Variants in EPS15 observed in about 807,000 individuals in gnomAD.
The protein encoded by EPS15 is epidermal growth factor receptor substrate 15.
Under a neutral mutation model 113.8 loss-of-function variants are expected in EPS15, and 72 were observed. The ratio of observed to expected loss-of-function variants is 0.63; its 90% CI spans 0.52 to 0.77. The LOEUF (loss-of-function observed/expected upper bound fraction) is 0.77. EPS15 is among the 30% of genes least tolerant of loss of function. The pLI is 0.00. For synonymous variants in EPS15, 344 were observed against 363.4 expected (o/e 0.95, Z 0.61); for missense variants, 1,048 against 1,045.8 (o/e 1.00, Z -0.03).
At chr1:51,427,775 A>G (rs1444901491) in intron 12 of EPS15, among the ~76,000 whole-genome samples, 3 of 152,220 alleles carry the variant, frequency 2.0e-5, no homozygotes, top group African/African-American at 7.2e-5. Flanking sequence ...TATTTCTACT[A>G]GAGAGAGCTT....
intron 1 of EPS15, among the ~76,000 whole-genome samples, chr1:51,506,176 C>T (rs1254551097): frequency 1.3e-5 from 2 of 152,154 alleles, no homozygotes; most frequent in African/African-American, 4.8e-5. Flanking sequence ...CGTCAGCCAC[C>T]GTGCCCAGCC....
chr1:51,448,479 A>AG (rs1653255261), intron 8 of EPS15, among the ~76,000 whole-genome samples: 1 of 152,180 alleles, frequency 6.6e-6, no homozygotes, highest in African/African-American at 2.4e-5. Flanking sequence ...AAAAATTAAC[A>AG]GAAAAAAAAG....
intron 7 of EPS15, 69 bp downstream of exon 7, chr1:51,463,604 T>C (rs1654631732): frequency 6.0e-6 from 5 of 829,594 alleles, no homozygotes; most frequent in African/African-American, 5.2e-5. Flanking sequence ...GAGTTATACA[T>C]GCTCCTGGCA....
intron 18 of EPS15, among the ~76,000 whole-genome samples, chr1:51,402,193 T>C (rs970247720): frequency 2.3e-4 from 34 of 149,422 alleles, no homozygotes; most frequent in Non-Finnish European, 4.0e-4. Flanking sequence ...CATACATACA[T>C]AAAATTAGCT....
chr1:51,372,388 C>T (rs1646679063), intron 21 of EPS15: 1 of 536,288 alleles, frequency 1.9e-6, no homozygotes, highest in Admixed American at 1.9e-5. Context: ...CTTTTGGGGT[C>T]ATGGCAGACA....
intron 1 of EPS15, among the ~76,000 whole-genome samples, chr1:51,511,265 A>T (rs1452138553): frequency 1.3e-5 from 2 of 151,980 alleles, no homozygotes; most frequent in African/African-American, 4.8e-5. Context: ...AGGCCAAGGC[A>T]GGAGGATCAC....
intron 21 of EPS15, among the ~76,000 whole-genome samples, chr1:51,389,866 A>G (rs1647210590): frequency 6.6e-6 from 1 of 152,258 alleles, no homozygotes; most frequent in Admixed American, 6.5e-5. Flanking sequence ...GGAAGAATCA[A>G]TATCGTGAAA....
At chr1:51,489,779 A>G (rs1260926195) in intron 1 of EPS15, among the ~76,000 whole-genome samples, 1 of 152,110 alleles carries the variant, frequency 6.6e-6, no homozygotes, top group Non-Finnish European at 1.5e-5. Flanking sequence ...TCCAGTTCCA[A>G]GTAGAAGCTT....
At chr1:51,472,424 C>A (rs184927725) in intron 3 of EPS15, among the ~76,000 whole-genome samples, 14 of 152,170 alleles carry the variant, frequency 9.2e-5, no homozygotes, top group Admixed American at 9.2e-4. Flanking sequence ...ATATCAATAT[C>A]ACATATAAGG....
rs55806131 is a variant in EPS15 at position 51,415,796 on chromosome 1, C to CAAAA, written c.1113+5986_1113+5989dup. Among the ~76,000 whole-genome samples, 59 of 21,974 alleles carry CAAAA rather than the reference C, an allele frequency of 2.7e-3. 4 individuals carry two copies. Among genetic ancestry groups the CAAAA allele is most frequent in the Non-Finnish European group, 3.0e-3 (38 of 12,584 alleles). 14.4% of individuals were successfully genotyped at this position (21,974 alleles called of 152,430 possible). A position where few individuals can be genotyped will look rare whatever the true frequency, so the allele number is the denominator to read the frequency against. On this transcript the variant is annotated intron_variant, in intron 13 of 24. Coordinates refer to ENST00000371733, the MANE Select transcript of EPS15 (RefSeq NM_001981.3). ...GGGCAACAAGAGCAAAACTCCGTCT[C>CAAAA]AAAAAAAAAAAAAAAAAAAAAAAAA...
chr1:51,488,815 C>T (rs1302049345), intron 1 of EPS15, among the ~76,000 whole-genome samples: 1 of 152,198 alleles, frequency 6.6e-6, no homozygotes, highest in Non-Finnish European at 1.5e-5. Context: ...CCCAACCTCT[C>T]TTGCAATTTC....
At chr1:51,444,212 T>C (rs1464778353) in intron 11 of EPS15, among the ~76,000 whole-genome samples, 1 of 152,190 alleles carries the variant, frequency 6.6e-6, no homozygotes, top group African/African-American at 2.4e-5. Flanking sequence ...CAAAGGTCTA[T>C]TAAAGGCCAA....
intron 21 of EPS15, among the ~76,000 whole-genome samples, chr1:51,366,405 A>G (rs1000092260): frequency 1.3e-5 from 2 of 152,228 alleles, no homozygotes; most frequent in Non-Finnish European, 2.9e-5. Context: ...GGTTAATCAC[A>G]TTCAGACAGT....
chr1:51,508,268 G>GAA (rs1553139490), intron 1 of EPS15, among the ~76,000 whole-genome samples: 1 of 114,702 alleles, frequency 8.7e-6, no homozygotes, highest in African/African-American at 4.6e-5. Flanking sequence ...GAGAGAGAGA[G>GAA]AGAGAAAGAG....
In EPS15 at chr1:51,408,159, T is replaced by C; in HGVS notation, c.1449A>G (p.Gln483=). 1 of 1,614,158 alleles carries C rather than the reference T, an allele frequency of 6.2e-7. No individual in the cohort carries two copies. Among genetic ancestry groups the C allele is most frequent in the Non-Finnish European group, 8.5e-7 (1 of 1,179,972 alleles). The part of the protein sequence containing the change: ...AQLEPLQQHL[Q]DSQQEISSMQ... ...CTGAACTAATTTCCTGTTGTGAATC[T>C]TGTAGGTGCTGCTGAAGAGGTTCCA... Residue 483 remains glutamine, a synonymous_variant, in exon 15 of 25, where the codon CAA becomes CAG. Transcript: ENST00000371733.
intron 2 of EPS15, among the ~76,000 whole-genome samples, chr1:51,475,758 C>T (rs1176185317): frequency 1.3e-5 from 2 of 152,122 alleles, no homozygotes; most frequent in Non-Finnish European, 2.9e-5. Context: ...CTTGCCCATG[C>T]CTATGGCCTG....
chr1:51,425,322 T>C (rs938727180), intron 12 of EPS15, among the ~76,000 whole-genome samples: 3 of 152,208 alleles, frequency 2.0e-5, no homozygotes, highest in Non-Finnish European at 2.9e-5. Flanking sequence ...CTTGAGTCTA[T>C]GCAATCCACT....
intron 22 of EPS15, among the ~76,000 whole-genome samples, 172 bp downstream of exon 22, chr1:51,365,781 T>C (rs546874328): frequency 1.7e-4 from 26 of 152,124 alleles, no homozygotes; most frequent in African/African-American, 6.3e-4. Flanking sequence ...TATAAAGAAA[T>C]ATGTCTACTT....
chr1:51,483,398 AGTGTGTGTGTGTGTGTGTGTGTGTGT>A lies in EPS15; in HGVS notation c.34-2110_34-2085del, dbSNP rs58892404. Among the ~76,000 whole-genome samples, 5 of 141,786 alleles carry A rather than the reference AGTGTGTGTGTGTGTGTGTGTGTGTGT, an allele frequency of 3.5e-5. No homozygotes were observed. In the East Asian group the frequency reaches 6.3e-4, roughly 18 times the overall value. 93.0% of individuals were successfully genotyped at this position (141,786 alleles called of 152,430 possible). On this transcript the variant is annotated intron_variant, in intron 1 of 24. Transcript: ENST00000371733. ...ATATATATTCGAACTCAAGACTGCA[AGTGTGTGTGTGTGTGTGTGTGTGTGT>A]GTGTGTGTGTGTGTGTCTCATACTG...
Sources: gnomAD v4.1 joint callset for allele counts (sites outside exome capture counted in the v4.1 genomes callset) on GRCh38, gnomAD v4.1.1 for gene constraint, MANE v1.5 for transcripts, NCBI Gene and HGNC (gene_info 2026-07-23, HGNC 2026-07-21) for gene names.